The following MARCHF11 variants were observed in gnomAD, a reference collection of about 807,000 sequenced individuals.
MARCHF11 encodes the protein E3 ubiquitin-protein ligase MARCHF11.
MARCHF11 carries 29 observed loss-of-function variants against 37.3 expected under a neutral mutation model. The observed-to-expected ratio is 0.78, with a 90% CI of 0.58 to 1.06. The LOEUF is 1.06. Ranked by LOEUF, MARCHF11 falls within the 50% of genes least tolerant of loss-of-function variation. MARCHF11 has a pLI of 0.00. For synonymous variants in MARCHF11, 233 were observed against 228.0 expected, an observed-to-expected ratio of 1.02 and a Z score of -0.20; for missense variants, 482 against 533.4, an observed-to-expected ratio of 0.90 and a Z score of 0.95.
intron 2 of MARCHF11, among the ~76,000 whole-genome samples, chr5:16,111,305 T>C (rs748162432): frequency 6.6e-6 from 1 of 152,168 alleles, no homozygotes; most frequent in Non-Finnish European, 1.5e-5. Context: ...TAGAGACTTG[T>C]TGAATGGCTT....
intron 2 of MARCHF11, among the ~76,000 whole-genome samples, chr5:16,104,921 A>G (rs1737013470): frequency 6.6e-6 from 1 of 151,496 alleles, no homozygotes; most frequent in African/African-American, 2.4e-5. Context: ...GGAAACACAC[A>G]CACACACACA....
intron 2 of MARCHF11, among the ~76,000 whole-genome samples, chr5:16,100,171 T>C (rs908685666): frequency 6.6e-6 from 1 of 152,076 alleles, no homozygotes; most frequent in Non-Finnish European, 1.5e-5. Flanking sequence ...GAAATTTTCT[T>C]TCCCCAGAAA....
chr5:16,142,024 G>A (rs1338266872), intron 2 of MARCHF11, among the ~76,000 whole-genome samples: 5 of 152,140 alleles, frequency 3.3e-5, no homozygotes, highest in Admixed American at 3.3e-4. Flanking sequence ...TTCCACATAA[G>A]TCACTGCCAA....
chr5:16,093,285 A>G (rs1178984874), intron 2 of MARCHF11, among the ~76,000 whole-genome samples: 1 of 152,184 alleles, frequency 6.6e-6, no homozygotes, highest in Non-Finnish European at 1.5e-5. Context: ...CTGTTTGGCA[A>G]TAAGTCTATG....
chr5:16,067,934 A>G (rs1243018865), intron 3 of MARCHF11, 141 bp from the exon 4 acceptor site: 1 of 752,008 alleles, frequency 1.3e-6, no homozygotes, highest in Non-Finnish European at 2.1e-6. Flanking sequence ...TTACTCAAAT[A>G]TTATGGCTAA....
At chr5:16,084,760 T>A (rs1560969921) in intron 3 of MARCHF11, among the ~76,000 whole-genome samples, 1 of 151,926 alleles carries the variant, frequency 6.6e-6, no homozygotes, top group African/African-American at 2.4e-5. Flanking sequence ...GGAGCAGTTT[T>A]TTTTTTTTTT....
Position 16,114,740 on chromosome 5 carries a change from C to T in MARCHF11, c.694-23659G>A, listed in dbSNP as rs1015960443. On this transcript the variant is annotated intron_variant, in intron 2 of 3. Transcript: ENST00000332432. ...CCTGAGCTCAAACGATCCTTCCACC[C>T]TGGCCTCCCAAAGTGCTGAAATTAC... 6.6e-5 allele frequency among the ~76,000 whole-genome samples: 10 copies of T among 152,078 alleles called. No individual in the cohort carries two copies. The South Asian group carries it at 2.1e-3, about 32-fold the overall frequency.
At chr5:16,073,957 T>C (rs1320133106) in intron 3 of MARCHF11, among the ~76,000 whole-genome samples, 1 of 152,206 alleles carries the variant, frequency 6.6e-6, no homozygotes, top group Non-Finnish European at 1.5e-5. Flanking sequence ...ATTCCGTTCA[T>C]CAGCACATGA....
At chr5:16,088,019 C>G (rs1736727696) in intron 3 of MARCHF11, among the ~76,000 whole-genome samples, 1 of 152,162 alleles carries the variant, frequency 6.6e-6, no homozygotes, top group Non-Finnish European at 1.5e-5. Flanking sequence ...GTTTGGAAAG[C>G]TTGGACAGAC....
chr5:16,157,777 A>C (rs1738001747), intron 2 of MARCHF11, among the ~76,000 whole-genome samples: 1 of 151,912 alleles, frequency 6.6e-6, no homozygotes, highest in African/African-American at 2.4e-5. Context: ...TGATCTTGGC[A>C]ATGATTTTTT....
At chr5:16,128,371 C>T (rs1737452730) in intron 2 of MARCHF11, among the ~76,000 whole-genome samples, 1 of 152,128 alleles carries the variant, frequency 6.6e-6, no homozygotes, top group African/African-American at 2.4e-5. Flanking sequence ...TCACGTTTGT[C>T]TGCAAGCAGT....
At chr5:16,112,551 C>T (rs1469044489) in intron 2 of MARCHF11, among the ~76,000 whole-genome samples, 2 of 152,172 alleles carry the variant, frequency 1.3e-5, no homozygotes, top group East Asian at 3.9e-4. Flanking sequence ...AAGTAACTAA[C>T]TAGCTTTTGA....
intron 2 of MARCHF11, among the ~76,000 whole-genome samples, chr5:16,176,101 T>G (rs953959147): frequency 6.6e-6 from 1 of 152,042 alleles, no homozygotes; most frequent in Non-Finnish European, 1.5e-5. Context: ...ATAGTATTTT[T>G]TTTTTTTGCC....
intron 2 of MARCHF11, among the ~76,000 whole-genome samples, chr5:16,127,337 T>TA (rs1560982874): frequency 1.3e-5 from 2 of 152,070 alleles, no homozygotes; most frequent in South Asian, 2.1e-4. Flanking sequence ...GGGCAGGCCA[T>TA]AAAAAACATC....
chr5:16,088,123 T>C (rs1231487336), intron 3 of MARCHF11, among the ~76,000 whole-genome samples: 3 of 152,182 alleles, frequency 2.0e-5, no homozygotes, highest in Non-Finnish European at 2.9e-5. Context: ...AGCTCTCTAT[T>C]TGCCAAGTAT....
At chr5:16,152,052 T>C (rs1433351722) in intron 2 of MARCHF11, among the ~76,000 whole-genome samples, 1 of 152,006 alleles carries the variant, frequency 6.6e-6, no homozygotes, top group African/African-American at 2.4e-5. Context: ...TTGATCCTAA[T>C]ATTAATAGCT....
intron 2 of MARCHF11, among the ~76,000 whole-genome samples, chr5:16,136,747 G>A (rs1269882996): frequency 6.6e-6 from 1 of 152,120 alleles, no homozygotes; most frequent in South Asian, 2.1e-4. Flanking sequence ...AGCAATTTAA[G>A]TTTATTAAAA....
intron 2 of MARCHF11, among the ~76,000 whole-genome samples, chr5:16,171,848 G>A (rs968470714): frequency 3.9e-5 from 6 of 152,102 alleles, no homozygotes; most frequent in African/African-American, 7.2e-5. Flanking sequence ...CCCATAAGTC[G>A]ACCCATTTCT....
At chr5:16,110,641 A>T (rs76017381) in intron 2 of MARCHF11, among the ~76,000 whole-genome samples, 3,316 of 152,310 alleles carry the variant, frequency 0.022, 130 homozygotes, top group African/African-American at 0.076. Context: ...CCCAAGGTCA[A>T]ACACCTAATG....
Sources: allele counts gnomAD v4.1 joint callset (sites outside exome capture counted in the v4.1 genomes callset), GRCh38; gene constraint gnomAD v4.1.1; transcripts MANE v1.5; gene names NCBI Gene and HGNC (gene_info 2026-07-23, HGNC 2026-07-21).